FRMPD4: variants seen among roughly 807,000 people sequenced by gnomAD.
FRMPD4 encodes the protein FERM and PDZ domain-containing protein 4.
In FRMPD4, 22 loss-of-function variants were observed where a neutral mutation model predicts 94.1. The observed-to-expected ratio is 0.23, with a 90% confidence interval of 0.17 to 0.33. The LOEUF is 0.33. Ranked by LOEUF, FRMPD4 falls within the 10% of genes least tolerant of loss-of-function variation. The pLI is 1.00. For missense variants in FRMPD4, 1,111 were observed against 1,339.9 expected, an observed-to-expected ratio of 0.83 and a Z score of 2.67; for synonymous variants, 631 against 548.6, an observed-to-expected ratio of 1.15 and a Z score of -2.10.
At chrX:12,128,973 G>A (rs1207244220) in intron 3 of FRMPD4, among the ~76,000 whole-genome samples, 2 of 111,696 alleles carry the variant, frequency 1.8e-5, no homozygotes, top group Non-Finnish European at 3.8e-5. Flanking sequence ...TTCATTGTCC[G>A]TATCACTATC....
intron 4 of FRMPD4, among the ~76,000 whole-genome samples, chrX:12,647,829 C>T (rs1000767982): frequency 9.0e-6 from 1 of 111,207 alleles, no homozygotes; most frequent in Non-Finnish European, 1.9e-5. Flanking sequence ...CAACCTAGTG[C>T]AAAACTTGCT....
intron 1 of FRMPD4, among the ~76,000 whole-genome samples, chrX:12,410,074 A>G (rs1052773260): frequency 1.2e-4 from 13 of 111,250 alleles, no homozygotes; most frequent in East Asian, 2.8e-4. Flanking sequence ...TTAAACTGCA[A>G]CCTTTTTTGT....
At chrX:12,526,176 C>T (rs757273438) in intron 2 of FRMPD4, among the ~76,000 whole-genome samples, 1 of 112,399 alleles carries the variant, frequency 8.9e-6, no homozygotes, top group East Asian at 2.8e-4. Context: ...AGCGTATAGC[C>T]ATCTGCAGGC....
intron 3 of FRMPD4, among the ~76,000 whole-genome samples, chrX:12,032,059 T>C (rs2054695253): frequency 9.0e-6 from 1 of 111,554 alleles, no homozygotes; most frequent in African/African-American, 3.3e-5. Flanking sequence ...AACAGGAGGA[T>C]TTTGATGGGA....
chrX:12,018,325 C>G (rs2054614720), intron 3 of FRMPD4, among the ~76,000 whole-genome samples: 1 of 111,788 alleles, frequency 8.9e-6, no homozygotes. Flanking sequence ...TAACTCCAAA[C>G]TCTGCCTCCA....
intron 1 of FRMPD4, among the ~76,000 whole-genome samples, chrX:11,856,854 G>A (rs908060712): frequency 1.8e-5 from 2 of 111,895 alleles, no homozygotes; most frequent in East Asian, 5.6e-4. Context: ...ACCACTTCGG[G>A]AAAGTCTCAG....
At chrX:12,372,692 G>A (rs2056179637) in intron 1 of FRMPD4, among the ~76,000 whole-genome samples, 1 of 112,760 alleles carries the variant, frequency 8.9e-6, no homozygotes, top group Non-Finnish European at 1.9e-5. Context: ...TTGCTATACA[G>A]GTTCTGTACA....
intron 3 of FRMPD4, among the ~76,000 whole-genome samples, chrX:12,121,097 T>G (rs979445861): frequency 1.0e-4 from 11 of 109,018 alleles, no homozygotes; most frequent in Non-Finnish European, 2.1e-4. Flanking sequence ...ATAATTTATT[T>G]TATAATACTA....
At chrX:11,900,345 T>G (rs990531379) in intron 3 of FRMPD4, among the ~76,000 whole-genome samples, 1 of 111,117 alleles carries the variant, frequency 9.0e-6, no homozygotes, top group Non-Finnish European at 1.9e-5. Flanking sequence ...ATAAAGGGTA[T>G]AGGTTGAGGA....
At chrX:12,106,491 G>C (rs759435475) in intron 3 of FRMPD4, among the ~76,000 whole-genome samples, 93 of 111,052 alleles carry the variant, frequency 8.4e-4, no homozygotes, top group African/African-American at 2.9e-3. Flanking sequence ...CAGAAGACAG[G>C]TGATTTCTGC....
At chrX:12,694,152 T>A (rs1429381648) in intron 8 of FRMPD4, among the ~76,000 whole-genome samples, 183 bp from the exon 9 acceptor site, 1 of 112,195 alleles carries the variant, frequency 8.9e-6, no homozygotes. Context: ...GGTCTGCTTC[T>A]GGGGAACCCA....
intron 1 of FRMPD4, among the ~76,000 whole-genome samples, chrX:12,219,284 G>A (rs1409130689): frequency 9.0e-6 from 1 of 111,222 alleles, no homozygotes; most frequent in African/African-American, 3.3e-5. Context: ...TAGGAGGATC[G>A]CTTAAGCCTA....
chrX:12,593,229 A>C (rs2058999243), intron 2 of FRMPD4, among the ~76,000 whole-genome samples: 1 of 112,234 alleles, frequency 8.9e-6, no homozygotes. Context: ...CCCCTCACTT[A>C]ACCTAGAAAT....
At chrX:11,920,014 C>T (rs1452078372) in intron 3 of FRMPD4, among the ~76,000 whole-genome samples, 1 of 112,044 alleles carries the variant, frequency 8.9e-6, no homozygotes, top group Non-Finnish European at 1.9e-5. Context: ...ACACAGCTGG[C>T]ATCCTTTTAT....
chrX:12,362,760 C>T (rs373399601), intron 1 of FRMPD4, among the ~76,000 whole-genome samples: 1 of 111,449 alleles, frequency 9.0e-6, no homozygotes, highest in Non-Finnish European at 1.9e-5. Flanking sequence ...TTCTAGTTCT[C>T]GATCCTTGAC....
chrX:11,989,853 G>A (rs2054454542), intron 3 of FRMPD4, among the ~76,000 whole-genome samples: 1 of 111,789 alleles, frequency 8.9e-6, no homozygotes, highest in South Asian at 3.7e-4. Context: ...CTTGTACATT[G>A]CTGGTGGGAA....
chrX:11,849,926 C>G (rs749309255), intron 1 of FRMPD4, among the ~76,000 whole-genome samples: 2 of 111,547 alleles, frequency 1.8e-5, no homozygotes, highest in African/African-American at 3.2e-5. Flanking sequence ...AATAGATAAA[C>G]CGGATTATGT....
intron 3 of FRMPD4, among the ~76,000 whole-genome samples, chrX:12,080,593 A>G (rs772705906): frequency 8.9e-6 from 1 of 112,677 alleles, no homozygotes; most frequent in South Asian, 3.6e-4. Context: ...GCAAAAAAAT[A>G]AAAACACAGT....
chrX:12,353,414 C>T (rs1220429637), intron 1 of FRMPD4, among the ~76,000 whole-genome samples: 1 of 111,890 alleles, frequency 8.9e-6, no homozygotes, highest in Non-Finnish European at 1.9e-5. Flanking sequence ...ACATTCTTCC[C>T]AAAAGCGTGA....
Sources: gnomAD v4.1 joint callset for allele counts (sites outside exome capture counted in the v4.1 genomes callset) on GRCh38, gnomAD v4.1.1 for gene constraint, MANE v1.5 for transcripts, NCBI Gene and HGNC (gene_info 2026-07-23, HGNC 2026-07-21) for gene names.